MANBA: variants seen among roughly 807,000 people sequenced by gnomAD.
MANBA encodes the protein mannosidase beta.
Under a neutral mutation model 111.1 loss-of-function variants are expected in MANBA, and 83 were observed. The ratio of observed to expected loss-of-function variants is 0.75; its 90% confidence interval spans 0.63 to 0.90. The LOEUF (loss-of-function observed/expected upper bound fraction) is 0.90. Among genes scored for constraint, MANBA ranks in the 40% least tolerant of loss-of-function variants. The pLI is 0.00. For synonymous variants in MANBA, 370 were observed against 378.7 expected (o/e 0.98, Z 0.27); for missense variants, 1,036 against 1,069.0 (o/e 0.97, Z 0.43).
intron 13 of MANBA, among the ~76,000 whole-genome samples, chr4:102,640,986 C>T (rs1462306857): frequency 6.6e-6 from 1 of 152,126 alleles, no homozygotes; most frequent in African/African-American, 2.4e-5. Context: ...ATGATACAGC[C>T]CACCATATGG....
At chr4:102,683,323 CT>C (rs1732065940) in intron 7 of MANBA, among the ~76,000 whole-genome samples, 1 of 152,066 alleles carries the variant, frequency 6.6e-6, no homozygotes, top group Admixed American at 6.6e-5. Flanking sequence ...ATCTATTTTC[CT>C]ACAATAATTT....
At position 102,632,140 on chromosome 4, in the gene MANBA, T is replaced by C. The variant is rs1448619062; in HGVS notation, c.2557A>G (p.Ile853Val). Residue 853 changes from isoleucine (I) to valine (V), a missense_variant, in exon 17 of 17, where the codon ATA becomes GTA. Transcript: ENST00000647097. ...GTGGGCTCCCAAGGGTAAAATAATA[T>C]AGTTCGTGTCTTCTCAGTCATGAGG... is the stretch of plus-strand genomic sequence containing the variant. ...GFLMTEKTRTILFYPWEPTSK... is the reference protein window; with the variant it reads ...GFLMTEKTRTVLFYPWEPTSK... The C allele has an allele frequency of 7.4e-6, 12 of 1,613,436 alleles. No individual in the cohort carries two copies. Among genetic ancestry groups the C allele is most frequent in the Non-Finnish European group, 1.0e-5 (12 of 1,179,532 alleles).
At chr4:102,738,590 C>T (rs552016502) in intron 1 of MANBA, among the ~76,000 whole-genome samples, 23 of 152,322 alleles carry the variant, frequency 1.5e-4, no homozygotes, top group African/African-American at 4.8e-4. Flanking sequence ...TGGGACAAAA[C>T]AATCTAAACA....
chr4:102,710,997 T>C (rs1322953645), intron 5 of MANBA, among the ~76,000 whole-genome samples: 1 of 152,066 alleles, frequency 6.6e-6, no homozygotes, highest in African/African-American at 2.4e-5. Flanking sequence ...ACATAAGACC[T>C]GAAACGATAA....
In MANBA at chr4:102,650,614, G is replaced by T; in HGVS notation, c.1792C>A (p.Gln598Lys). 1 of 1,613,322 alleles carries T rather than the reference G, an allele frequency of 6.2e-7. No homozygotes were observed. Among genetic ancestry groups the T allele is most frequent in the Non-Finnish European group, 8.5e-7 (1 of 1,179,288 alleles). Residue 598 changes from glutamine (Q) to lysine (K), a missense_variant, in exon 13 of 17, where the codon CAG (glutamine) becomes AAG (lysine). Coordinates refer to ENST00000647097, the MANE Select transcript of MANBA (RefSeq NM_005908.4). The part of the protein sequence containing the change: ...HEGGNKQMLY[Q>K]AGLHFKLPQS... ...GGGAGTTTGAAATGAAGTCCAGCCT[G>T]ATAAAGCATTTGTTTGTTACCACCT...
Position 102,634,953 on chromosome 4 carries a change from A to T in MANBA, c.2250T>A (p.Tyr750Ter). The change falls in exon 16 of 17, where the codon TAT becomes TAA. Residue 750 changes from tyrosine (Y) to a stop codon, truncating the protein, a stop_gained. Coordinates refer to ENST00000647097, the MANE Select transcript of MANBA (RefSeq NM_005908.4). LOFTEE classifies it high-confidence loss of function. ...TCAGCAATTCAGACACTGGCTCCTC[A>T]TAAAGGCAGACAGCCTCTCCTCCTT... ...VMKGGEAVCL[Y>*]EEPVSELLRR... 6.2e-7 allele frequency: 1 copy of T among 1,614,228 alleles called. No homozygotes were observed. The highest frequency in any genetic ancestry group is 1.3e-5 in the African/African-American group (1 of 75,068).
chr4:102,692,688 TGCAGAG>T (rs1732536912), intron 5 of MANBA, among the ~76,000 whole-genome samples: 1 of 152,114 alleles, frequency 6.6e-6, no homozygotes, highest in Non-Finnish European at 1.5e-5. Context: ...GCAGTGACTG[TGCAGAG>T]GCATTTAAGT....
chr4:102,746,840 C>T (rs556966668), intron 1 of MANBA, among the ~76,000 whole-genome samples: 57 of 152,022 alleles, frequency 3.7e-4, no homozygotes, highest in African/African-American at 1.2e-3. Flanking sequence ...GGCGTGGTGG[C>T]GGTCGCCTGT....
chr4:102,678,965 T>C (rs2110231319), intron 7 of MANBA, among the ~76,000 whole-genome samples: 1 of 152,326 alleles, frequency 6.6e-6, no homozygotes, highest in South Asian at 2.1e-4. Context: ...AAAAGGGCAA[T>C]TTTCTTCTTA....
At chr4:102,738,408 C>T (rs751253575) in intron 1 of MANBA, among the ~76,000 whole-genome samples, 15 of 152,222 alleles carry the variant, frequency 9.9e-5, no homozygotes, top group African/African-American at 1.2e-4. Context: ...GAGACCTGAA[C>T]GTGGATCACA....
In MANBA at chr4:102,632,225, G is replaced by A. The variant is rs780700993; in HGVS notation, c.2472C>T (p.Val824=). The change falls in exon 17 of 17, where the codon GTC becomes GTT. Residue 824 remains valine, a synonymous_variant. Coordinates refer to ENST00000647097, the MANE Select transcript of MANBA (RefSeq NM_005908.4). ...IFVFDLETSA[V]APFVWLDVGS... Reference sequence around the variant, plus strand: ...CTACATCCAACCAAACAAAGGGAGCGACAGCTGAGGTCTCCAGGTCAAAAA... The same window carrying A: ...CTACATCCAACCAAACAAAGGGAGCAACAGCTGAGGTCTCCAGGTCAAAAA... 26 of 1,613,692 alleles carry A rather than the reference G, an allele frequency of 1.6e-5. 1 individual carries two copies. Among genetic ancestry groups the A allele is most frequent in the African/African-American group, 1.2e-4 (9 of 74,866 alleles).
chr4:102,715,433 C>T (rs1429055334), intron 4 of MANBA, among the ~76,000 whole-genome samples: 2 of 152,192 alleles, frequency 1.3e-5, no homozygotes, highest in Non-Finnish European at 2.9e-5. Context: ...CAGAAGCTAT[C>T]ATAATAAATG....
At chr4:102,702,582 A>G (rs1733109495) in intron 5 of MANBA, among the ~76,000 whole-genome samples, 1 of 151,968 alleles carries the variant, frequency 6.6e-6, no homozygotes, top group Non-Finnish European at 1.5e-5. Flanking sequence ...AACAGACAGG[A>G]CCCTCAGCTG....
At position 102,631,200 on chromosome 4, in the gene MANBA, T is replaced by C. The variant is rs1293269457; in HGVS notation, c.*857A>G. The C allele has an allele frequency of 6.6e-6, 1 of 152,128 alleles. No individual in the cohort carries two copies. Among genetic ancestry groups the C allele is most frequent in the Non-Finnish European group, 1.5e-5 (1 of 68,096 alleles). 9.4% of individuals were successfully genotyped at this position (152,128 alleles called of 1,614,324 possible). ...TTAGATACTGAAGAAGACTGGATTG[T>C]CTGTAGTTACTTTTAGAGTCACTGA... On this transcript the variant is annotated 3_prime_UTR_variant, in exon 17 of 17. Coordinates refer to ENST00000647097, the MANE Select transcript of MANBA (RefSeq NM_005908.4).
intron 1 of MANBA, chr4:102,728,889 C>G (rs1722915625): frequency 1.3e-6 from 1 of 757,712 alleles, no homozygotes. Context: ...CTTGGGAGGC[C>G]CCCACAGGCC....
intron 15 of MANBA, among the ~76,000 whole-genome samples, chr4:102,635,586 G>A (rs1210736908): frequency 5.3e-5 from 8 of 152,092 alleles, no homozygotes; most frequent in African/African-American, 1.9e-4. Flanking sequence ...GCACATTATA[G>A]CATATGTGAT....
At chr4:102,670,154 C>CAAAAAAAAA (rs70937560) in intron 9 of MANBA, among the ~76,000 whole-genome samples, 5 of 107,944 alleles carry the variant, frequency 4.6e-5, no homozygotes, top group African/African-American at 2.1e-4. Flanking sequence ...GACTCCATAT[C>CAAAAAAAAA]AAAAAAAAAA....
At chr4:102,689,464 G>A in intron 7 of MANBA, 110 bp downstream of exon 7, 1 of 673,422 alleles carries the variant, frequency 1.5e-6, no homozygotes, top group Non-Finnish European at 2.6e-6. Context: ...ATCTCTGATG[G>A]GTGGGGACAC....
chr4:102,744,492 A>C (rs2110207580), intron 1 of MANBA, among the ~76,000 whole-genome samples: 1 of 152,352 alleles, frequency 6.6e-6, no homozygotes, highest in East Asian at 1.9e-4. Context: ...TAGGACAGCA[A>C]AGGTATATTG....
Sources: allele counts gnomAD v4.1 joint callset (sites outside exome capture counted in the v4.1 genomes callset), GRCh38; gene constraint gnomAD v4.1.1; transcripts MANE v1.5; gene names NCBI Gene and HGNC (gene_info 2026-07-23, HGNC 2026-07-21).